GALNT13: variants seen among roughly 807,000 people sequenced by gnomAD.
GALNT13 encodes polypeptide N-acetylgalactosaminyltransferase 13, also known as UDP-GalNAc:polypeptide N-acetylgalactosaminyltransferase 13.
GALNT13 carries 28 observed loss-of-function variants against 64.2 expected under a neutral mutation model. The observed-to-expected ratio is 0.44, with a 90% CI of 0.32 to 0.60. GALNT13 has a LOEUF of 0.60. Ranked by LOEUF, GALNT13 falls within the 20% of genes least tolerant of loss-of-function variation. GALNT13 has a pLI of 0.05. For synonymous variants in GALNT13, 214 were observed against 224.6 expected, an observed-to-expected ratio of 0.95 and a Z score of 0.42; for missense variants, 577 against 669.8, an observed-to-expected ratio of 0.86 and a Z score of 1.53.
intron 9 of GALNT13, among the ~76,000 whole-genome samples, chr2:154,374,051 A>AGT (rs1697843225): frequency 6.6e-6 from 1 of 152,180 alleles, no homozygotes; most frequent in Admixed American, 6.5e-5. Context: ...TATAACATGA[A>AGT]GTACTGTCTT....
chr2:153,542,794 T>G, the GALNT13 span, among the ~76,000 whole-genome samples: 1 of 152,182 alleles, frequency 6.6e-6, no homozygotes, highest in Non-Finnish European at 1.5e-5. Context: ...GCAAAGAATC[T>G]TTGTCAAGAC....
At chr2:153,346,688 T>A in the GALNT13 span, among the ~76,000 whole-genome samples, 3 of 152,224 alleles carry the variant, frequency 2.0e-5, no homozygotes, top group Admixed American at 1.3e-4. Context: ...TCTTCTCTGT[T>A]GTCTACATAA....
intron 9 of GALNT13, among the ~76,000 whole-genome samples, chr2:154,359,920 A>G (rs1484046107): frequency 6.6e-6 from 1 of 152,128 alleles, no homozygotes; most frequent in Non-Finnish European, 1.5e-5. Context: ...GTCTAAGGCA[A>G]TCTGTTAAGG....
the GALNT13 span, among the ~76,000 whole-genome samples, chr2:153,088,616 T>TA: frequency 6.6e-6 from 1 of 152,186 alleles, no homozygotes; most frequent in Non-Finnish European, 1.5e-5. Context: ...GGTCTAGTAG[T>TA]AATTGTTTTG....
chr2:153,666,802 G>A, the GALNT13 span, among the ~76,000 whole-genome samples: 1 of 152,148 alleles, frequency 6.6e-6, no homozygotes, highest in Non-Finnish European at 1.5e-5. Flanking sequence ...CCCAGCAATG[G>A]TTTTTAACAA....
chr2:153,489,031 A>G, the GALNT13 span, among the ~76,000 whole-genome samples: 1 of 152,220 alleles, frequency 6.6e-6, no homozygotes, highest in Non-Finnish European at 1.5e-5. Context: ...CAGAAAGTCA[A>G]ATACTGCATG....
chr2:153,446,360 C>T, the GALNT13 span, among the ~76,000 whole-genome samples: 29 of 152,264 alleles, frequency 1.9e-4, no homozygotes, highest in African/African-American at 6.7e-4. Context: ...ATATCAGGCA[C>T]AACTTATTTT....
chr2:153,471,249 T>G, the GALNT13 span, among the ~76,000 whole-genome samples: 31 of 152,190 alleles, frequency 2.0e-4, no homozygotes, highest in Non-Finnish European at 3.8e-4. Context: ...ATTCCATGAT[T>G]CTTTGCACCA....
the GALNT13 span, among the ~76,000 whole-genome samples, chr2:153,186,976 G>T: frequency 2.0e-5 from 3 of 152,090 alleles, no homozygotes; most frequent in African/African-American, 7.2e-5. Context: ...CTAAGTATTT[G>T]CTTGATAATT....
chr2:153,773,978 G>A, the GALNT13 span, among the ~76,000 whole-genome samples: 14 of 151,962 alleles, frequency 9.2e-5, no homozygotes, highest in African/African-American at 1.9e-4. Context: ...ACTGATGTGC[G>A]TTCATTTATT....
chr2:153,779,177 CT>C, the GALNT13 span, among the ~76,000 whole-genome samples: 1,147 of 148,900 alleles, frequency 7.7e-3, 15 homozygotes, highest in African/African-American at 0.027. Context: ...TATATCTTTC[CT>C]TTTTTTTTTC....
the GALNT13 span, among the ~76,000 whole-genome samples, chr2:153,270,056 G>T: frequency 1.3e-5 from 2 of 152,158 alleles, no homozygotes; most frequent in Admixed American, 1.3e-4. Context: ...TGCAATGTGT[G>T]TCTCTGGAGA....
the GALNT13 span, among the ~76,000 whole-genome samples, chr2:153,861,055 A>G: frequency 2.0e-5 from 3 of 152,146 alleles, no homozygotes; most frequent in African/African-American, 7.2e-5. Flanking sequence ...AGTTTTCCCC[A>G]CAGCAAGGAG....
chr2:153,450,479 G>A, the GALNT13 span, among the ~76,000 whole-genome samples: 1 of 152,056 alleles, frequency 6.6e-6, no homozygotes, highest in Non-Finnish European at 1.5e-5. Context: ...TTTTGTCACT[G>A]ACTGCTTCAG....
the GALNT13 span, among the ~76,000 whole-genome samples, chr2:153,611,795 C>A: frequency 3.9e-4 from 58 of 146,860 alleles, no homozygotes; most frequent in African/African-American, 1.4e-3. Flanking sequence ...CCTATCAATC[C>A]GTCTTCTAGG....
chr2:154,198,877 A>G (rs530078969), intron 4 of GALNT13, among the ~76,000 whole-genome samples: 2 of 152,182 alleles, frequency 1.3e-5, no homozygotes, highest in African/African-American at 4.8e-5. Flanking sequence ...ATACAAATAC[A>G]GTTACTAGAG....
At chr2:153,384,650 G>A in the GALNT13 span, among the ~76,000 whole-genome samples, 1 of 151,952 alleles carries the variant, frequency 6.6e-6, no homozygotes, top group African/African-American at 2.4e-5. Context: ...TCAGAAGCAA[G>A]TCTTTCAAAA....
At chr2:153,863,086 C>T in the GALNT13 span, among the ~76,000 whole-genome samples, 1 of 152,086 alleles carries the variant, frequency 6.6e-6, no homozygotes, top group Non-Finnish European at 1.5e-5. Context: ...ATTTGTGACA[C>T]TCCACTTAAT....
At chr2:153,199,521 T>C in the GALNT13 span, among the ~76,000 whole-genome samples, 435 of 152,306 alleles carry the variant, frequency 2.9e-3, 5 homozygotes, top group African/African-American at 9.9e-3. Context: ...AAAGGACAGA[T>C]GTTGTTTTGA....
Sources: allele counts gnomAD v4.1 joint callset (sites outside exome capture counted in the v4.1 genomes callset), GRCh38; gene constraint gnomAD v4.1.1; transcripts MANE v1.5; gene names NCBI Gene and HGNC (gene_info 2026-07-23, HGNC 2026-07-21).